HMX2: variants seen among roughly 807,000 people sequenced by gnomAD.
HMX2 encodes the protein homeobox protein HMX2.
Under a neutral mutation model 21.2 loss-of-function variants are expected in HMX2, and 15 were observed. That is an observed-to-expected ratio of 0.71 (90% CI 0.47 to 1.09). HMX2 has a LOEUF of 1.09. Among genes scored for constraint, HMX2 ranks in the 50% least tolerant of loss-of-function variants. HMX2 has a pLI of 0.00. For missense variants in HMX2, 440 were observed against 381.5 expected (o/e 1.15, Z -1.28); for synonymous variants, 193 against 181.0 (o/e 1.07, Z -0.53).
Position 123,150,264 on chromosome 10 carries a change from G to T in HMX2, c.*141G>T. The T allele has an allele frequency of 1.5e-6, 1 of 685,254 alleles. No individual in the cohort carries two copies. The highest frequency in any genetic ancestry group is 2.9e-5 in the East Asian group (1 of 34,098). The allele number at this position is 685,254 out of a possible 1,614,324, so 42.4% of individuals were successfully genotyped here. A position where few individuals can be genotyped will look rare whatever the true frequency, so the allele number is the denominator to read the frequency against. Reference sequence around the variant, plus strand: ...TGTGTATTCATTAGCTCTTATTTATGGTCTCTGCCCTACTTTTTGTTTTGA... The same window carrying T: ...TGTGTATTCATTAGCTCTTATTTATTGTCTCTGCCCTACTTTTTGTTTTGA... On this transcript the variant is annotated 3_prime_UTR_variant, in exon 2 of 2. Transcript: ENST00000339992. This position sits in a 1 kb window ranked among gnomAD's most constrained non-coding sequence, Gnocchi z 4.2.
At chr10:123,148,725 G>A in intron 1 of HMX2, 79 bp downstream of exon 1, 1 of 1,537,604 alleles carries the variant, frequency 6.5e-7, no homozygotes. Flanking sequence ...AGACTCCCGC[G>A]CCGGGCCCCC....
Position 123,150,036 on chromosome 10 carries a change from G to A in HMX2, c.735G>A (p.Ser245=). 1 of 1,605,338 alleles carries A rather than the reference G, an allele frequency of 6.2e-7. No individual in the cohort carries two copies. The highest frequency in any genetic ancestry group is 8.5e-7 in the Non-Finnish European group (1 of 1,177,916). The change falls in exon 2 of 2, where the codon TCG becomes TCA. Residue 245 remains serine (S), a synonymous_variant. Coordinates refer to ENST00000339992, the MANE Select transcript of HMX2 (RefSeq NM_005519.2). This position sits in a 1 kb window ranked among gnomAD's most constrained non-coding sequence, Gnocchi z 4.2. ...TGCTGCGCGTGCCGGTGCCGCGCTC[G>A]CTCGCCTTTCCCGCGCCGCTCTACT... The part of the protein sequence containing the change: ...SSLLRVPVPR[S]LAFPAPLYYP...
intron 1 of HMX2, 45 bp downstream of exon 1, chr10:123,148,691 G>T: frequency 1.3e-6 from 2 of 1,578,178 alleles, no homozygotes; most frequent in Non-Finnish European, 1.7e-6. Flanking sequence ...GAGCGCGAGG[G>T]GAGGGAGGCT....
At position 123,149,572 on chromosome 10, in the gene HMX2, A is replaced by G; in HGVS notation, c.271A>G (p.Thr91Ala). 1.4e-6 allele frequency: 2 copies of G among 1,440,250 alleles called. No homozygotes were observed. Among genetic ancestry groups the G allele is most frequent in the Non-Finnish European group, 1.8e-6 (2 of 1,098,542 alleles). The allele number at this position is 1,440,250 out of a possible 1,614,324, so 89.2% of individuals were successfully genotyped here. ...TTCTGTCTGTTCTCGCTCCTCAGGT[A>G]CCCCCAAGGGCAGCGGAGGCTCGGG... ...HPPIPFPCLG[T>A]PKGSGGSGPG... The change falls in exon 2 of 2, where the codon ACC becomes GCC. Residue 91 changes from threonine to alanine, a missense_variant and splice_region_variant. By Grantham distance (58) the Thr-to-Ala change is moderately conservative. Coordinates refer to ENST00000339992, the MANE Select transcript of HMX2 (RefSeq NM_005519.2). This position sits in a 1 kb window ranked among gnomAD's most constrained non-coding sequence, Gnocchi z 5.4.
chr10:123,148,792 T>A, intron 1 of HMX2, 146 bp downstream of exon 1: 2 of 1,010,132 alleles, frequency 2.0e-6, no homozygotes, highest in Non-Finnish European at 2.8e-6. Flanking sequence ...GGGCGCGCAC[T>A]GTGGTGCCTC....
chr10:123,148,214 G>A lies in HMX2; in HGVS notation c.-165G>A, dbSNP rs1318971835. On this transcript the variant is annotated 5_prime_UTR_variant, in exon 1 of 2. It removes an upstream start codon present in the reference 5' UTR. Transcript: ENST00000339992. ...CTGCGCAGCCATCCGGTGCCTGCAT[G>A]TCCCTGGCGCGGAAGGGACGCCTCA... 1 of 720,374 alleles carries A rather than the reference G, an allele frequency of 1.4e-6. No homozygotes were observed. Among genetic ancestry groups the A allele is most frequent in the African/African-American group, 1.8e-5 (1 of 54,186 alleles). The allele number at this position is 720,374 out of a possible 1,614,324, so 44.6% of individuals were successfully genotyped here. A position where few individuals can be genotyped will look rare whatever the true frequency, so the allele number is the denominator to read the frequency against.
Position 123,148,596 on chromosome 10 carries a change from C to T in HMX2, c.218C>T (p.Pro73Leu). Reference sequence around the variant, plus strand: ...TGCTTCTGCCCAGACCAGCACGGCCCTAAGGAGCAGGGCCCCAAGCACCAT... The same window carrying T: ...TGCTTCTGCCCAGACCAGCACGGCCTTAAGGAGCAGGGCCCCAAGCACCAT... Reference protein sequence around the residue: ...PACFCPDQHGPKEQGPKHHPP... With the variant: ...PACFCPDQHGLKEQGPKHHPP... The change falls in exon 1 of 2, where the codon CCT (proline) becomes CTT (leucine). Residue 73 changes from proline (P) to leucine (L), a missense_variant. By Grantham distance (98) the Pro-to-Leu change is moderately conservative (BLOSUM62 -3). Transcript: ENST00000339992. The T allele has an allele frequency of 1.2e-6, 2 of 1,613,254 alleles. No homozygotes were observed. Among genetic ancestry groups the T allele is most frequent in the East Asian group, 2.2e-5 (1 of 44,808 alleles).
In HMX2 at chr10:123,150,058, T is replaced by C. The variant is rs1183884476; in HGVS notation, c.757T>C (p.Tyr253His). 1.9e-6 allele frequency: 3 copies of C among 1,602,166 alleles called. No individual in the cohort carries two copies. Among genetic ancestry groups the C allele is most frequent in the Admixed American group, 3.4e-5 (2 of 59,432 alleles). ...CTCGCTCGCCTTTCCCGCGCCGCTC[T>C]ACTACCCGGGAAGCAACCTCTCGGC... The part of the protein sequence containing the change: ...PRSLAFPAPL[Y>H]YPGSNLSALP... The change falls in exon 2 of 2, where the codon TAC becomes CAC. Residue 253 changes from tyrosine (Y) to histidine (H), a missense_variant. Coordinates refer to ENST00000339992, the MANE Select transcript of HMX2 (RefSeq NM_005519.2). The surrounding 1 kb of genome is among the most constrained non-coding windows in gnomAD (Gnocchi z 4.2).
In HMX2 at chr10:123,149,676, C is replaced by T. The variant is rs539639736; in HGVS notation, c.375C>T (p.Pro125=). 4.7e-5 allele frequency: 73 copies of T among 1,563,056 alleles called. No homozygotes were observed. The highest frequency in any genetic ancestry group is 5.9e-5 in the Non-Finnish European group (68 of 1,160,340). The change falls in exon 2 of 2, where the codon CCC becomes CCT. Residue 125 remains proline, a synonymous_variant. Coordinates refer to ENST00000339992, the MANE Select transcript of HMX2 (RefSeq NM_005519.2). The surrounding 1 kb of genome is among the most constrained non-coding windows in gnomAD (Gnocchi z 5.4). ...DFKEEKERLL[P]AGSPSPGSER... is the part of the protein sequence containing the mutation. ...AAGAAGAGAAAGAGAGGCTCCTGCC[C>T]GCGGGCTCGCCCTCGCCGGGGTCCG... is the stretch of plus-strand genomic sequence containing the variant.
Position 123,149,596 on chromosome 10 carries a change from G to A in HMX2, c.295G>A (p.Gly99Ser), listed in dbSNP as rs1417248250. 3 of 1,463,600 alleles carry A rather than the reference G, an allele frequency of 2.0e-6. No individual in the cohort carries two copies. The highest frequency in any genetic ancestry group is 5.5e-5 in the Admixed American group (2 of 36,634). The allele number at this position is 1,463,600 out of a possible 1,614,324, so 90.7% of individuals were successfully genotyped here. ...TACCCCCAAGGGCAGCGGAGGCTCG[G>A]GCCCGGGCGGCTTGGAGCGCACGCC... ...LGTPKGSGGS[G>S]PGGLERTPFL... Residue 99 changes from glycine (G) to serine (S), a missense_variant, in exon 2 of 2, where the codon GGC becomes AGC. By Grantham distance (56) the Gly-to-Ser change is moderately conservative. Coordinates refer to ENST00000339992, the MANE Select transcript of HMX2 (RefSeq NM_005519.2). The surrounding 1 kb of genome is among the most constrained non-coding windows in gnomAD (Gnocchi z 5.4).
At position 123,148,211 on chromosome 10, in the gene HMX2, C is replaced by A; in HGVS notation, c.-168C>A. The A allele has an allele frequency of 4.3e-6, 3 of 704,900 alleles. No homozygotes were observed. Among genetic ancestry groups the A allele is most frequent in the Non-Finnish European group, 7.1e-6 (3 of 423,390 alleles). The allele number at this position is 704,900 out of a possible 1,614,324, so 43.7% of individuals were successfully genotyped here. Reference sequence around the variant, plus strand: ...CCCCTGCGCAGCCATCCGGTGCCTGCATGTCCCTGGCGCGGAAGGGACGCC... The same window carrying A: ...CCCCTGCGCAGCCATCCGGTGCCTGAATGTCCCTGGCGCGGAAGGGACGCC... On this transcript the variant is annotated 5_prime_UTR_variant, in exon 1 of 2. Coordinates refer to ENST00000339992, the MANE Select transcript of HMX2 (RefSeq NM_005519.2).
Position 123,150,075 on chromosome 10 carries a change from C to A in HMX2, c.774C>A (p.Asn258Lys). 3 of 1,595,942 alleles carry A rather than the reference C, an allele frequency of 1.9e-6. No individual in the cohort carries two copies. The highest frequency in any genetic ancestry group is 2.2e-5 in the South Asian group (2 of 89,994). Residue 258 changes from asparagine (N) to lysine (K), a missense_variant, in exon 2 of 2, where the codon AAC (asparagine) becomes AAA (lysine). By Grantham distance (94) the Asn-to-Lys change is moderately conservative. Transcript: ENST00000339992. This position sits in a 1 kb window ranked among gnomAD's most constrained non-coding sequence, Gnocchi z 4.2. ...FPAPLYYPGS[N>K]LSALPLYNLY... ...CGCCGCTCTACTACCCGGGAAGCAA[C>A]CTCTCGGCCTTACCTCTCTACAACC...
In HMX2 at chr10:123,148,420, C is replaced by A; in HGVS notation, c.42C>A (p.Ala14=). ...ATGCGGGCAAGGGGTGTCCGGCGGC[C>A]GGTGGCGTCTCCAGCTTCACCATCC... is the stretch of plus-strand genomic sequence containing the variant. The part of the protein sequence containing the change: ...KEDAGKGCPA[A]GGVSSFTIQS... Residue 14 remains alanine (A), a synonymous_variant, in exon 1 of 2, where the codon GCC becomes GCA. Transcript: ENST00000339992. 1.2e-6 allele frequency: 2 copies of A among 1,613,108 alleles called. No homozygotes were observed. Among genetic ancestry groups the A allele is most frequent in the Non-Finnish European group, 1.7e-6 (2 of 1,179,598 alleles).
At position 123,148,618 on chromosome 10, in the gene HMX2, C is replaced by G. The variant is rs1296830848; in HGVS notation, c.240C>G (p.His80Gln). The change falls in exon 1 of 2, where the codon CAC becomes CAG. Residue 80 changes from histidine (H) to glutamine (Q), a missense_variant. Transcript: ENST00000339992. ...GCCCTAAGGAGCAGGGCCCCAAGCA[C>G]CATCCCCCCATCCCTTTTCCTTGCC... is the stretch of plus-strand genomic sequence containing the variant. Reference protein sequence around the residue: ...QHGPKEQGPKHHPPIPFPCLG... With the variant: ...QHGPKEQGPKQHPPIPFPCLG... 4 of 1,610,726 alleles carry G rather than the reference C, an allele frequency of 2.5e-6. No homozygotes were observed. The highest frequency in any genetic ancestry group is 3.4e-6 in the Non-Finnish European group (4 of 1,178,810).
Position 123,149,426 on chromosome 10 carries a change from CAGTG to C in HMX2, c.269-141_269-138del. Reference sequence around the variant, plus strand: ...GGACGGGGTGCTGGGTTTGGGGGGCCAGTGAGAGGGATAAGAGGAGGGGATTGGT... The same window carrying C: ...GGACGGGGTGCTGGGTTTGGGGGGCCAGAGGGATAAGAGGAGGGGATTGGT... On this transcript the variant is annotated intron_variant, in intron 1 of 1. Coordinates refer to ENST00000339992, the MANE Select transcript of HMX2 (RefSeq NM_005519.2). This position sits in a 1 kb window ranked among gnomAD's most constrained non-coding sequence, Gnocchi z 5.4. 1.8e-6 allele frequency: 1 copy of C among 567,438 alleles called. No individual in the cohort carries two copies. The highest frequency in any genetic ancestry group is 2.8e-6 in the Non-Finnish European group (1 of 354,408). 35.2% of individuals were successfully genotyped at this position (567,438 alleles called of 1,614,324 possible). A position where few individuals can be genotyped will look rare whatever the true frequency, so the allele number is the denominator to read the frequency against.
At position 123,149,546 on chromosome 10, in the gene HMX2, T is replaced by C. The variant is rs757425872; in HGVS notation, c.269-24T>C. On this transcript the variant is annotated intron_variant, in intron 1 of 1. Coordinates refer to ENST00000339992, the MANE Select transcript of HMX2 (RefSeq NM_005519.2). The surrounding 1 kb of genome is among the most constrained non-coding windows in gnomAD (Gnocchi z 5.4). The stretch of plus-strand genomic sequence containing the variant: ...AGGCTCCCCAACCAACTCCATGGCC[T>C]TTCTGTCTGTTCTCGCTCCTCAGGT... 4.2e-6 allele frequency: 6 copies of C among 1,422,844 alleles called. No homozygotes were observed. Among genetic ancestry groups the C allele is most frequent in the Non-Finnish European group, 5.5e-6 (6 of 1,089,052 alleles). The allele number at this position is 1,422,844 out of a possible 1,614,324, so 88.1% of individuals were successfully genotyped here.
Position 123,150,336 on chromosome 10 carries a change from C to G in HMX2, c.*213C>G. On this transcript the variant is annotated 3_prime_UTR_variant, in exon 2 of 2. Coordinates refer to ENST00000339992, the MANE Select transcript of HMX2 (RefSeq NM_005519.2). This position sits in a 1 kb window ranked among gnomAD's most constrained non-coding sequence, Gnocchi z 4.2. ...ATTCCCTAAGTCAGAGAGCCTGCTT[C>G]CTACCTAGACCGAACCAGTACGCTT... The G allele has an allele frequency of 4.5e-6, 2 of 445,090 alleles. No individual in the cohort carries two copies. Among genetic ancestry groups the G allele is most frequent in the Non-Finnish European group, 7.8e-6 (2 of 255,308 alleles). 27.6% of individuals were successfully genotyped at this position (445,090 alleles called of 1,614,324 possible). A position where few individuals can be genotyped will look rare whatever the true frequency, so the allele number is the denominator to read the frequency against.
Position 123,149,200 on chromosome 10 carries a change from G to A in HMX2, c.269-370G>A, listed in dbSNP as rs1844238405. Reference sequence around the variant, plus strand: ...TCCTTAGCGTGATTTCCAAACAAACGGCCTGTGAAATGATGCCACCCTATA... The same window carrying A: ...TCCTTAGCGTGATTTCCAAACAAACAGCCTGTGAAATGATGCCACCCTATA... On this transcript the variant is annotated intron_variant, in intron 1 of 1. Coordinates refer to ENST00000339992, the MANE Select transcript of HMX2 (RefSeq NM_005519.2). This position sits in a 1 kb window ranked among gnomAD's most constrained non-coding sequence, Gnocchi z 5.4. Among the ~76,000 whole-genome samples, 1 of 152,102 alleles carries A rather than the reference G, an allele frequency of 6.6e-6. No individual in the cohort carries two copies. Among genetic ancestry groups the A allele is most frequent in the African/African-American group, 2.4e-5 (1 of 41,418 alleles).
At chr10:123,148,698 G>C (rs1453999157) in intron 1 of HMX2, 52 bp downstream of exon 1, 1 of 1,573,990 alleles carries the variant, frequency 6.4e-7, no homozygotes, top group East Asian at 2.3e-5. Flanking sequence ...AGGGGAGGGA[G>C]GCTGAGCGCC....
Sources: allele counts gnomAD v4.1 joint callset (sites outside exome capture counted in the v4.1 genomes callset), GRCh38; gene constraint gnomAD v4.1.1; non-coding constraint Gnocchi (gnomAD v3.1); transcripts MANE v1.5; gene names NCBI Gene and HGNC (gene_info 2026-07-23, HGNC 2026-07-21).